The following GDI2 variants were observed in gnomAD, a reference collection of about 807,000 sequenced individuals.
GDI2 encodes the protein GDP dissociation inhibitor 2.
GDI2 carries 22 observed loss-of-function variants against 54.2 expected under a neutral mutation model. The ratio of observed to expected loss-of-function variants is 0.41; its 90% CI spans 0.29 to 0.58. The LOEUF is 0.58. GDI2 is among the 20% of genes least tolerant of loss of function. The probability of loss-of-function intolerance (pLI) is 0.35; values close to 1 mark genes in which losing one functional copy is unlikely to be tolerated. For synonymous variants in GDI2, 177 were observed against 182.1 expected, an observed-to-expected ratio of 0.97 and a Z score of 0.23; for missense variants, 422 against 546.0, an observed-to-expected ratio of 0.77 and a Z score of 2.26.
intron 1 of GDI2, among the ~76,000 whole-genome samples, chr10:5,809,807 G>A (rs1483212034): frequency 6.6e-6 from 1 of 152,184 alleles, no homozygotes; most frequent in Non-Finnish European, 1.5e-5. Context: ...TATCACGCAT[G>A]TGAACATCTA....
intron 1 of GDI2, among the ~76,000 whole-genome samples, chr10:5,812,936 G>C (rs915050190): frequency 3.9e-5 from 6 of 152,214 alleles, no homozygotes; most frequent in African/African-American, 1.4e-4. Flanking sequence ...TCCGCTGGGG[G>C]CAAGCGCAGA....
Position 5,776,263 on chromosome 10 carries a change from GA to G in GDI2, c.720-2323del. 8.0e-6 allele frequency: 4 copies of G among 501,208 alleles called. No individual in the cohort carries two copies. Among genetic ancestry groups the G allele is most frequent in the African/African-American group, 2.0e-5 (1 of 51,186 alleles). 31.0% of individuals were successfully genotyped at this position (501,208 alleles called of 1,614,324 possible). ...AGCGCCTCCTCATCCAAGACAGGTG[GA>G]AAAGGGCCCAGCGTGAAAAGACTGA... is the stretch of plus-strand genomic sequence containing the variant. On this transcript the variant is annotated intron_variant, in intron 6 of 10. Coordinates refer to ENST00000380191, the MANE Select transcript of GDI2 (RefSeq NM_001494.4). This position sits in a 1 kb window ranked among gnomAD's most constrained non-coding sequence, Gnocchi z 5.3.
At chr10:5,795,146 T>G in intron 3 of GDI2, 127 bp from the exon 4 acceptor site, 1 of 633,802 alleles carries the variant, frequency 1.6e-6, no homozygotes, top group East Asian at 2.7e-5. Context: ...AATTTTTTTT[T>G]GAGACACAGT....
chr10:5,805,114 G>A (rs191569078), intron 1 of GDI2, among the ~76,000 whole-genome samples: 1 of 152,056 alleles, frequency 6.6e-6, no homozygotes, highest in East Asian at 1.9e-4. Flanking sequence ...TTACAGGGGT[G>A]AGCCATGGCA....
In GDI2 at chr10:5,783,736, G is replaced by T. The variant is rs11255164; in HGVS notation, c.719+1406C>A. Among the ~76,000 whole-genome samples, 654 of 152,262 alleles carry T rather than the reference G, an allele frequency of 4.3e-3. 24 individuals carry two copies. In the East Asian group the frequency reaches 0.1, roughly 24 times the overall value. On this transcript the variant is annotated intron_variant, in intron 6 of 10. Transcript: ENST00000380191. ...CTGTTTCACTGGATACAAAATTACT[G>T]GCTGATAACTTAAGGAGGCTCAAGA...
intron 1 of GDI2, among the ~76,000 whole-genome samples, chr10:5,803,060 A>G (rs1841304114): frequency 6.6e-6 from 1 of 152,234 alleles, no homozygotes; most frequent in Non-Finnish European, 1.5e-5. Context: ...CCTAGACAAT[A>G]TATCGCAACA....
intron 6 of GDI2, among the ~76,000 whole-genome samples, chr10:5,778,432 G>A (rs72772362): frequency 0.033 from 5,028 of 152,218 alleles, 139 homozygotes; most frequent in Non-Finnish European, 0.05. Context: ...TTGTTAATGT[G>A]CATTTTGTTT....
chr10:5,811,143 T>A (rs1164582186), intron 1 of GDI2, among the ~76,000 whole-genome samples: 1 of 152,212 alleles, frequency 6.6e-6, no homozygotes, highest in Non-Finnish European at 1.5e-5. Context: ...TAAGGATATA[T>A]GATTTCTCAT....
At chr10:5,799,525 G>A (rs1481559886) in intron 2 of GDI2, among the ~76,000 whole-genome samples, 1 of 152,116 alleles carries the variant, frequency 6.6e-6, no homozygotes, top group Non-Finnish European at 1.5e-5. Context: ...GGTGGTGCAC[G>A]CCTTTAATCC....
At chr10:5,795,300 T>G (rs778146934) in intron 3 of GDI2, among the ~76,000 whole-genome samples, 4 of 152,026 alleles carry the variant, frequency 2.6e-5, no homozygotes, top group Non-Finnish European at 5.9e-5. Context: ...TTTGTATTGT[T>G]TTGTAGAGAC....
At chr10:5,799,996 G>C (rs550409952) in intron 2 of GDI2, among the ~76,000 whole-genome samples, 51 of 151,986 alleles carry the variant, frequency 3.4e-4, no homozygotes, top group Non-Finnish European at 6.5e-4. Context: ...ATCCTTTTTG[G>C]TAAGTATTGT....
rs552811938 is a variant in GDI2, at chr10:5,767,105, G to A, written c.992-467C>T. On this transcript the variant is annotated intron_variant, in intron 8 of 10. Transcript: ENST00000380191. ...GAGTTGGCATAACGATAGAATTCTC[G>A]ATTAGACTTGGTCTGTATACCACTC... is the stretch of plus-strand genomic sequence containing the variant. Among the ~76,000 whole-genome samples the A allele has an allele frequency of 7.9e-5, 12 of 151,904 alleles. No individual in the cohort carries two copies. In the South Asian group the frequency reaches 1.5e-3, roughly 18 times the overall value.
In GDI2 at chr10:5,766,332, C is replaced by G. The variant is rs1840331884; in HGVS notation, c.1137-37G>C. On this transcript the variant is annotated intron_variant, in intron 9 of 10. Transcript: ENST00000380191. The surrounding 1 kb of genome is among the most constrained non-coding windows in gnomAD (Gnocchi z 5.8). ...GAGAATTCAGTCAGGTGAGCTGGTC[C>G]CACACCTGACCATGGCTCTGCCTGA... The G allele has an allele frequency of 6.5e-7, 1 of 1,538,630 alleles. No individual in the cohort carries two copies. The highest frequency in any genetic ancestry group is 1.7e-5 in the Admixed American group (1 of 59,920).
At chr10:5,773,136 C>T (rs968631605) in intron 7 of GDI2, among the ~76,000 whole-genome samples, 1 of 152,116 alleles carries the variant, frequency 6.6e-6, no homozygotes, top group African/African-American at 2.4e-5. Flanking sequence ...TCCAGTGAGA[C>T]CTAAATAACT....
chr10:5,795,086 T>A lies in GDI2; in HGVS notation c.254-67A>T, dbSNP rs1239916091. The stretch of plus-strand genomic sequence containing the variant: ...AATTATAAAGAACATTTACTAATAC[T>A]AACAGCTTCTAAAATTTTTTCTAAC... On this transcript the variant is annotated intron_variant, in intron 3 of 10. Transcript: ENST00000380191. 1.3e-5 allele frequency: 12 copies of A among 957,846 alleles called. No homozygotes were observed. In the East Asian group the frequency reaches 2.9e-4, roughly 23 times the overall value. 59.3% of individuals were successfully genotyped at this position (957,846 alleles called of 1,614,324 possible). A position where few individuals can be genotyped will look rare whatever the true frequency, so the allele number is the denominator to read the frequency against.
At chr10:5,780,173 C>T (rs551613922) in intron 6 of GDI2, among the ~76,000 whole-genome samples, 1 of 149,896 alleles carries the variant, frequency 6.7e-6, no homozygotes, top group South Asian at 2.1e-4. Flanking sequence ...CATGCCACTG[C>T]ACTCTAGCAT....
chr10:5,794,233 A>ATATATATATATATATAT (rs1486909561), intron 4 of GDI2, among the ~76,000 whole-genome samples: 1 of 126,836 alleles, frequency 7.9e-6, no homozygotes, highest in African/African-American at 3.0e-5. Flanking sequence ...ATATATATAT[A>ATATATATATATATATAT]AAACTCACCA....
chr10:5,781,926 T>C (rs1027655237), intron 6 of GDI2, among the ~76,000 whole-genome samples: 3 of 152,282 alleles, frequency 2.0e-5, no homozygotes, highest in African/African-American at 4.8e-5. Context: ...GGCATGAGAA[T>C]TGCTTGAACC....
chr10:5,788,135 A>G (rs566303578), intron 4 of GDI2, among the ~76,000 whole-genome samples: 2 of 152,250 alleles, frequency 1.3e-5, no homozygotes, highest in South Asian at 4.1e-4. Flanking sequence ...CCCAGTGCTC[A>G]TTCTGAAAAA....
Sources: gnomAD v4.1 joint callset for allele counts (sites outside exome capture counted in the v4.1 genomes callset) on GRCh38, gnomAD v4.1.1 for gene constraint, Gnocchi (gnomAD v3.1) non-coding constraint, MANE v1.5 for transcripts, NCBI Gene and HGNC (gene_info 2026-07-23, HGNC 2026-07-21) for gene names.